The following HLCS variants were observed in gnomAD, a reference collection of about 807,000 sequenced individuals.
HLCS encodes the protein holocarboxylase synthetase, also known as biotin--protein ligase.
In HLCS, 53 loss-of-function variants were observed where a neutral mutation model predicts 75.0. That is an observed-to-expected ratio of 0.71 (90% CI 0.57 to 0.89). The LOEUF (loss-of-function observed/expected upper bound fraction) is 0.89, where lower values mean the gene tolerates loss of function less well. HLCS is among the 40% of genes least tolerant of loss of function. The pLI, the probability that HLCS is intolerant of heterozygous loss-of-function variation, is 0.00. For synonymous variants in HLCS, 431 were observed against 428.6 expected (o/e 1.01, Z -0.07); for missense variants, 966 against 1,074.0 (o/e 0.90, Z 1.41).
At chr21:36,973,479 A>G (rs937104173) in intron 1 of HLCS, 1 of 152,172 alleles carries the variant, frequency 6.6e-6, no homozygotes, top group Non-Finnish European at 1.5e-5. Context: ...CTTCATGAGA[A>G]TTGGTATACA....
chr21:36,943,817 TAA>T (rs5843782), intron 2 of HLCS: 312 of 141,796 alleles, frequency 2.2e-3, no homozygotes, highest in Non-Finnish European at 2.2e-3. Context: ...AGACCCTGTC[TAA>T]AAAAAAAAAA....
Position 36,869,742 on chromosome 21 carries a change from A to C in HLCS, c.1892+27118T>G, listed in dbSNP as rs117828805. Among the ~76,000 whole-genome samples, 26 of 152,308 alleles carry C rather than the reference A, an allele frequency of 1.7e-4. No homozygotes were observed. In the East Asian group the frequency reaches 5.0e-3, roughly 29 times the overall value. ...TAGATACCATATCCTTATTTTGTTA[A>C]TCCTCCATCTTAAGTGTATTGATGT... On this transcript the variant is annotated intron_variant, in intron 6 of 10. Transcript: ENST00000674895.
intron 6 of HLCS, among the ~76,000 whole-genome samples, chr21:36,865,069 C>T (rs2063509184): frequency 6.9e-6 from 1 of 144,232 alleles, no homozygotes; most frequent in South Asian, 2.4e-4. Context: ...CCATCCATAG[C>T]AAGATTATGG....
chr21:36,778,423 G>A (rs922796242), intron 6 of HLCS, among the ~76,000 whole-genome samples: 9 of 152,110 alleles, frequency 5.9e-5, no homozygotes, highest in Admixed American at 1.3e-4. Context: ...GGGATTACAG[G>A]TGTGCACCAC....
At chr21:36,769,478 C>A (rs553821654) in intron 6 of HLCS, among the ~76,000 whole-genome samples, 2 of 152,120 alleles carry the variant, frequency 1.3e-5, no homozygotes, top group Non-Finnish European at 1.5e-5. Flanking sequence ...CGGATGATGT[C>A]CTTACAAAAA....
chr21:36,756,987 A>G (rs1213744037), intron 9 of HLCS: 3 of 981,444 alleles, frequency 3.1e-6, no homozygotes, highest in Non-Finnish European at 2.4e-6. Flanking sequence ...CTTACTGCAA[A>G]TAAAAAGGTG....
At chr21:36,892,039 C>CT (rs1185152267) in intron 6 of HLCS, among the ~76,000 whole-genome samples, 1 of 152,170 alleles carries the variant, frequency 6.6e-6, no homozygotes, top group African/African-American at 2.4e-5. Context: ...GGCTGAAAAA[C>CT]TGTCTAGACA....
At chr21:36,925,359 C>A (rs970094913) in intron 5 of HLCS, among the ~76,000 whole-genome samples, 1 of 152,130 alleles carries the variant, frequency 6.6e-6, no homozygotes, top group Non-Finnish European at 1.5e-5. Context: ...TGTTAGCCAC[C>A]GTTGGCCACG....
chr21:36,989,042 A>T (rs58317119), intron 1 of HLCS, among the ~76,000 whole-genome samples: 843 of 83,074 alleles, frequency 0.01, 4 homozygotes, highest in African/African-American at 0.03. Flanking sequence ...TTATTTATTT[A>T]TTTATTTTTT....
At chr21:36,974,231 G>C (rs2068874498) in intron 1 of HLCS, 1 of 152,310 alleles carries the variant, frequency 6.6e-6, no homozygotes, top group African/African-American at 2.4e-5. Flanking sequence ...AGGGGAAGAA[G>C]GCGGAAAAAT....
chr21:36,980,449 A>G (rs1377669723), intron 1 of HLCS: 2 of 152,196 alleles, frequency 1.3e-5, no homozygotes, highest in Non-Finnish European at 2.9e-5. Context: ...CCAGGCCTTG[A>G]ACACACGATT....
At chr21:36,850,606 C>G (rs550496199) in intron 6 of HLCS, among the ~76,000 whole-genome samples, 1 of 150,086 alleles carries the variant, frequency 6.7e-6, no homozygotes, top group South Asian at 2.1e-4. Context: ...GCCTTGAGTC[C>G]GGAGACCCCT....
chr21:36,841,961 C>A (rs1316639557), intron 6 of HLCS, among the ~76,000 whole-genome samples: 1 of 152,306 alleles, frequency 6.6e-6, no homozygotes, highest in South Asian at 2.1e-4. Context: ...TACCTCACAA[C>A]CCAGCAATTC....
chr21:36,960,222 G>T (rs1283199406), intron 2 of HLCS, among the ~76,000 whole-genome samples: 1 of 148,502 alleles, frequency 6.7e-6, no homozygotes, highest in Admixed American at 7.0e-5. Flanking sequence ...AATCTGAGCT[G>T]GTAGAATGAG....
intron 6 of HLCS, among the ~76,000 whole-genome samples, chr21:36,880,316 G>C (rs979815709): frequency 7.9e-5 from 12 of 152,298 alleles, no homozygotes; most frequent in African/African-American, 2.9e-4. Context: ...GAGGAGGCAG[G>C]AGAAGGAAGA....
intron 2 of HLCS, among the ~76,000 whole-genome samples, chr21:36,956,303 T>C (rs1212471561): frequency 6.6e-6 from 1 of 152,186 alleles, no homozygotes; most frequent in Non-Finnish European, 1.5e-5. Flanking sequence ...GTATTTATTG[T>C]ATTATTTCAA....
At chr21:36,834,268 C>T (rs1234090536) in intron 6 of HLCS, among the ~76,000 whole-genome samples, 2 of 152,226 alleles carry the variant, frequency 1.3e-5, no homozygotes, top group Non-Finnish European at 2.9e-5. Context: ...AATGAGGTTC[C>T]AGATTCCAAA....
chr21:36,980,992 C>CTT (rs2069108026), intron 1 of HLCS: 1 of 152,442 alleles, frequency 6.6e-6, no homozygotes, highest in Admixed American at 6.5e-5. Flanking sequence ...CCTACCTGTC[C>CTT]TTTAGGGCTT....
At chr21:36,941,864 G>A (rs1464463788) in intron 2 of HLCS, among the ~76,000 whole-genome samples, 2 of 152,176 alleles carry the variant, frequency 1.3e-5, no homozygotes, top group East Asian at 1.9e-4. Flanking sequence ...AAAATTAGCT[G>A]GGCGTGCTGG....
Sources: allele counts gnomAD v4.1 joint callset (sites outside exome capture counted in the v4.1 genomes callset), GRCh38; gene constraint gnomAD v4.1.1; transcripts MANE v1.5; gene names NCBI Gene and HGNC (gene_info 2026-07-23, HGNC 2026-07-21).